Variants in MORN1 observed in about 807,000 individuals in gnomAD.
MORN1 encodes the protein MORN repeat-containing protein 1.
Under a neutral mutation model 61.9 loss-of-function variants are expected in MORN1, and 67 were observed. The observed-to-expected ratio is 1.08, with a 90% CI of 0.89 to 1.33. The LOEUF (loss-of-function observed/expected upper bound fraction) is 1.33, where lower values mean the gene tolerates loss of function less well. Among genes scored for constraint, MORN1 ranks in the 40% most tolerant of loss-of-function variants. The pLI is 0.00. For synonymous variants in MORN1, 301 were observed against 292.0 expected (o/e 1.03, Z -0.31); for missense variants, 752 against 691.2 (o/e 1.09, Z -0.99).
chr1:2,341,108 G>T (rs1171768757), intron 10 of MORN1, among the ~76,000 whole-genome samples: 1 of 152,226 alleles, frequency 6.6e-6, no homozygotes, highest in African/African-American at 2.4e-5. Flanking sequence ...ACCTCGGTCT[G>T]GTGGCTCCTC....
chr1:2,383,624 C>G (rs899763654), intron 6 of MORN1, among the ~76,000 whole-genome samples: 1 of 152,250 alleles, frequency 6.6e-6, no homozygotes, highest in African/African-American at 2.4e-5. Flanking sequence ...CTCCTCTCCA[C>G]GGCCACAGCA....
At position 2,381,282 on chromosome 1, in the gene MORN1, G is replaced by A. The variant is rs192666569; in HGVS notation, c.537+3696C>T. Reference sequence around the variant, plus strand: ...CCAGCCTGTCCTTTTGGCCTCGGGCGCCCTTCTCAGCGTCTACATCGGTCT... The same window carrying A: ...CCAGCCTGTCCTTTTGGCCTCGGGCACCCTTCTCAGCGTCTACATCGGTCT... On this transcript the variant is annotated intron_variant, in intron 6 of 13. Coordinates refer to ENST00000378531, the MANE Select transcript of MORN1 (RefSeq NM_024848.3). 5.4e-3 allele frequency among the ~76,000 whole-genome samples: 829 copies of A among 152,352 alleles called. 7 individuals carry two copies. The highest frequency in any genetic ancestry group is 0.019 in the African/African-American group (791 of 41,582).
intron 8 of MORN1, among the ~76,000 whole-genome samples, chr1:2,360,347 A>G (rs1641867867): frequency 6.6e-6 from 1 of 152,230 alleles, no homozygotes; most frequent in Non-Finnish European, 1.5e-5. Context: ...TCCAACAACC[A>G]AGAAAGCCGA....
In MORN1 at chr1:2,367,540, AC is replaced by A. The variant is rs202087341; in HGVS notation, c.745+4940del. Among the ~76,000 whole-genome samples, 572 of 152,222 alleles carry A rather than the reference AC, an allele frequency of 3.8e-3. 3 individuals are homozygous for A. Among genetic ancestry groups the A allele is most frequent in the African/African-American group, 0.013 (547 of 41,516 alleles). On this transcript the variant is annotated intron_variant, in intron 8 of 13. Coordinates refer to ENST00000378531, the MANE Select transcript of MORN1 (RefSeq NM_024848.3). ...ACAAATGATCTTAAGACAAATAGAT[AC>A]CCACATTCAAAGGAATATACAGCAG...
chr1:2,381,106 A>G (rs979668748), intron 6 of MORN1, among the ~76,000 whole-genome samples: 2 of 152,194 alleles, frequency 1.3e-5, no homozygotes, highest in Non-Finnish European at 2.9e-5. Flanking sequence ...GCTTCTCCTC[A>G]TTATCCAGAG....
Position 2,351,786 on chromosome 1 carries a change from C to T in MORN1, c.1036+5646G>A, listed in dbSNP as rs140526061. 729 of 564,764 alleles carry T rather than the reference C, an allele frequency of 1.3e-3. 6 individuals carry two copies. The highest frequency in any genetic ancestry group is 0.012 in the African/African-American group (612 of 52,120). 35.0% of individuals were successfully genotyped at this position (564,764 alleles called of 1,614,324 possible). ...AGCCTTGAAGGTGCCAATGAAGACT[C>T]GGCCATCTTGTAGGATACGTCTCAT... On this transcript the variant is annotated intron_variant, in intron 10 of 13. Coordinates refer to ENST00000378531, the MANE Select transcript of MORN1 (RefSeq NM_024848.3).
intron 12 of MORN1, among the ~76,000 whole-genome samples, chr1:2,335,804 T>C (rs1258182703): frequency 6.9e-6 from 1 of 144,446 alleles, no homozygotes; most frequent in Non-Finnish European, 1.5e-5. Context: ...CCAGGGCACA[T>C]CAGCGGGGGC....
In MORN1 at chr1:2,334,316, C is replaced by T. The variant is rs976761482; in HGVS notation, c.1250+2153G>A. On this transcript the variant is annotated intron_variant, in intron 12 of 13. Coordinates refer to ENST00000378531, the MANE Select transcript of MORN1 (RefSeq NM_024848.3). This position sits in a 1 kb window ranked among gnomAD's most constrained non-coding sequence, Gnocchi z 5.4. Reference sequence around the variant, plus strand: ...GGTGGGGGTCAGGCTCCATGGAGGACGAGAGGCACAGGCCCAGGTTTGTCT... The same window carrying T: ...GGTGGGGGTCAGGCTCCATGGAGGATGAGAGGCACAGGCCCAGGTTTGTCT... Among the ~76,000 whole-genome samples the T allele has an allele frequency of 2.6e-5, 4 of 152,110 alleles. No homozygotes were observed. The highest frequency in any genetic ancestry group is 1.9e-4 in the East Asian group (1 of 5,192).
intron 6 of MORN1, chr1:2,375,987 G>A (rs1642225418): frequency 6.6e-6 from 1 of 152,300 alleles, no homozygotes; most frequent in Non-Finnish European, 1.5e-5. Context: ...ACAGTGGATG[G>A]GGGCCCCAGA....
At position 2,336,968 on chromosome 1, in the gene MORN1, G is replaced by A. The variant is rs559364637; in HGVS notation, c.1037-118C>T. 4.2e-4 allele frequency: 505 copies of A among 1,190,892 alleles called. 1 individual carries two copies. The East Asian group carries it at 7.9e-3, about 19-fold the overall frequency. 73.8% of individuals were successfully genotyped at this position (1,190,892 alleles called of 1,614,324 possible). On this transcript the variant is annotated intron_variant, in intron 10 of 13. Transcript: ENST00000378531. ...AGGGCAGCGGGCACAGACGCCAGTC[G>A]CGATGCCATCTTGGTGGGGGCAGGT...
chr1:2,323,696 C>T (rs1306757275), intron 13 of MORN1: 2 of 985,176 alleles, frequency 2.0e-6, no homozygotes, highest in Non-Finnish European at 2.4e-6. Flanking sequence ...CAGCCCAGGC[C>T]CACCAAGCCC....
At chr1:2,390,752 C>CTTT (rs35593344) in intron 1 of MORN1, 12 of 882,960 alleles carry the variant, frequency 1.4e-5, no homozygotes, top group African/African-American at 1.9e-5. Context: ...AAAACCTGCT[C>CTTT]TTTTTTTTTT....
chr1:2,376,490 GCTGCAATATGGCGTCCAGGGTGAGTA>G (rs1293158413), intron 6 of MORN1: 1 of 152,440 alleles, frequency 6.6e-6, no homozygotes, highest in Non-Finnish European at 1.5e-5. Context: ...GCTGACACCA[GCTGCAATATGGCGTCCAGGGTGAGTA>G]CCCAGTGAGG....
chr1:2,369,441 G>C (rs1031776599), intron 8 of MORN1, among the ~76,000 whole-genome samples: 1 of 151,858 alleles, frequency 6.6e-6, no homozygotes, highest in Non-Finnish European at 1.5e-5. Flanking sequence ...CATTGCTGGA[G>C]GTAATGTAAA....
Position 2,337,322 on chromosome 1 carries a change from C to T in MORN1, c.1037-472G>A, listed in dbSNP as rs1166687283. Among the ~76,000 whole-genome samples the T allele has an allele frequency of 2.0e-5, 3 of 152,166 alleles. No individual in the cohort carries two copies. Among genetic ancestry groups the T allele is most frequent in the African/African-American group, 7.2e-5 (3 of 41,434 alleles). On this transcript the variant is annotated intron_variant, in intron 10 of 13. Coordinates refer to ENST00000378531, the MANE Select transcript of MORN1 (RefSeq NM_024848.3). The surrounding 1 kb of genome is among the most constrained non-coding windows in gnomAD (Gnocchi z 5.7). ...TCAAGATGGACCTGGCGTCAGGACC[C>T]GTTCTCCACAGGCGTGGAGGGAGAC...
At chr1:2,341,475 G>A (rs1371233813) in intron 10 of MORN1, among the ~76,000 whole-genome samples, 1 of 152,158 alleles carries the variant, frequency 6.6e-6, no homozygotes, top group Non-Finnish European at 1.5e-5. Flanking sequence ...GGCGGATCAG[G>A]AGGTCAGGAG....
At chr1:2,335,879 C>T (rs1003978795) in intron 12 of MORN1, among the ~76,000 whole-genome samples, 38 of 143,768 alleles carry the variant, frequency 2.6e-4, no homozygotes, top group Admixed American at 5.3e-4. Flanking sequence ...GACAGAGTCC[C>T]GATTTGAGGT....
intron 12 of MORN1, among the ~76,000 whole-genome samples, chr1:2,325,642 ATTTTTTT>A (rs529341445): frequency 1.6e-5 from 2 of 125,018 alleles, no homozygotes; most frequent in Non-Finnish European, 3.3e-5. Flanking sequence ...GCCTTTGTTG[ATTTTTTT>A]TTTTTTTTTT....
Position 2,337,352 on chromosome 1 carries a change from A to G in MORN1, c.1037-502T>C, listed in dbSNP as rs2843145. On this transcript the variant is annotated intron_variant, in intron 10 of 13. Transcript: ENST00000378531. The surrounding 1 kb of genome is among the most constrained non-coding windows in gnomAD (Gnocchi z 5.7). Reference sequence around the variant, plus strand: ...TCCACAGGCGTGGAGGGAGACACCGAGGGTGGCTGCGAGTCCCTCCACGTG... The same window carrying G: ...TCCACAGGCGTGGAGGGAGACACCGGGGGTGGCTGCGAGTCCCTCCACGTG... 0.66 allele frequency among the ~76,000 whole-genome samples: 100,283 copies of G among 151,974 alleles called. 34,217 individuals carry two copies. Among genetic ancestry groups the G allele is most frequent in the African/African-American group, 0.85 (35,072 of 41,484 alleles).
Sources: gnomAD v4.1 joint callset for allele counts (sites outside exome capture counted in the v4.1 genomes callset) on GRCh38, gnomAD v4.1.1 for gene constraint, Gnocchi (gnomAD v3.1) non-coding constraint, MANE v1.5 for transcripts, NCBI Gene and HGNC (gene_info 2026-07-23, HGNC 2026-07-21) for gene names.